Variants in IGF1R observed in about 807,000 individuals in gnomAD.
IGF1R encodes insulin like growth factor 1 receptor.
IGF1R carries 44 observed loss-of-function variants against 144.6 expected under a neutral mutation model. The observed-to-expected ratio is 0.30, with a 90% CI of 0.24 to 0.39. IGF1R has a LOEUF of 0.39. IGF1R is among the 10% of genes least tolerant of loss of function. The pLI is 1.00. For synonymous variants in IGF1R, 795 were observed against 722.8 expected, an observed-to-expected ratio of 1.10 and a Z score of -1.60; for missense variants, 1,355 against 1,833.7, an observed-to-expected ratio of 0.74 and a Z score of 4.77.
intron 2 of IGF1R, among the ~76,000 whole-genome samples, chr15:98,732,439 C>CTT (rs2054515804): frequency 6.6e-6 from 1 of 152,120 alleles, no homozygotes; most frequent in Admixed American, 6.5e-5. Flanking sequence ...CAGGCAGTGA[C>CTT]GGTGAAGCAG....
At chr15:98,688,414 C>CTGTGTGTGTGTGTA (rs2053389566) in intron 1 of IGF1R, among the ~76,000 whole-genome samples, 1 of 143,506 alleles carries the variant, frequency 7.0e-6, no homozygotes, top group African/African-American at 2.6e-5. Flanking sequence ...CAACACACAC[C>CTGTGTGTGTGTGTA]TGTGTGTGTG....
intron 2 of IGF1R, among the ~76,000 whole-genome samples, chr15:98,812,979 A>G (rs755854563): frequency 2.0e-5 from 3 of 152,188 alleles, no homozygotes; most frequent in Non-Finnish European, 2.9e-5. Flanking sequence ...CTTCTATCGA[A>G]AAACAGTGGT....
chr15:98,666,850 A>G (rs529601507), intron 1 of IGF1R, among the ~76,000 whole-genome samples: 1 of 152,246 alleles, frequency 6.6e-6, no homozygotes, highest in East Asian at 2.0e-4. Flanking sequence ...ATTGTGAATC[A>G]GTGTCAGTGA....
chr15:98,896,927 A>G, intron 4 of IGF1R, 22 bp downstream of exon 4: 2 of 1,612,452 alleles, frequency 1.2e-6, no homozygotes, highest in Admixed American at 1.7e-5. Flanking sequence ...ATCCCCCTGG[A>G]AAAACGGCTA....
At chr15:98,883,899 AG>A (rs960057040) in intron 2 of IGF1R, among the ~76,000 whole-genome samples, 1 of 152,174 alleles carries the variant, frequency 6.6e-6, no homozygotes, top group Non-Finnish European at 1.5e-5. Context: ...ACCAGACAGA[AG>A]GCAGCAAAAA....
At chr15:98,749,271 C>T (rs1297532301) in intron 2 of IGF1R, among the ~76,000 whole-genome samples, 2 of 151,604 alleles carry the variant, frequency 1.3e-5, no homozygotes, top group Non-Finnish European at 2.9e-5. Flanking sequence ...GTTAGACAGC[C>T]AAGGGGATAT....
chr15:98,748,144 A>G (rs539565045), intron 2 of IGF1R, among the ~76,000 whole-genome samples: 1 of 152,288 alleles, frequency 6.6e-6, no homozygotes, highest in Admixed American at 6.5e-5. Context: ...TTACTTCTGC[A>G]TGCACAACTT....
chr15:98,887,842 C>T (rs2013716340), intron 2 of IGF1R, among the ~76,000 whole-genome samples: 1 of 152,204 alleles, frequency 6.6e-6, no homozygotes, highest in African/African-American at 2.4e-5. Flanking sequence ...TCATCATGTC[C>T]CTTGCACTGC....
chr15:98,747,875 G>A (rs1034652729), intron 2 of IGF1R, among the ~76,000 whole-genome samples: 14 of 152,046 alleles, frequency 9.2e-5, no homozygotes, highest in Middle Eastern at 3.4e-3. Context: ...ACTTACTGAC[G>A]CTTAAAAATA....
chr15:98,914,866 T>C lies in IGF1R; in HGVS notation c.1829-1098T>C, dbSNP rs1431003620. On this transcript the variant is annotated intron_variant, in intron 8 of 20. Transcript: ENST00000650285. ...TGTATCTAGGAATGAGCTGTTTGTT[T>C]TTGAAGTACTTATTTTTGGAAACCC... Among the ~76,000 whole-genome samples the C allele has an allele frequency of 2.0e-5, 3 of 152,316 alleles. No homozygotes were observed. The East Asian group carries it at 5.8e-4, about 29-fold the overall frequency.
intron 2 of IGF1R, among the ~76,000 whole-genome samples, chr15:98,885,316 C>T (rs776152007): frequency 3.3e-5 from 5 of 152,326 alleles, no homozygotes; most frequent in Non-Finnish European, 7.4e-5. Flanking sequence ...AGAATGCCCA[C>T]GTCCTGGGTG....
intron 2 of IGF1R, among the ~76,000 whole-genome samples, chr15:98,798,442 G>C (rs1230203009): frequency 2.0e-5 from 3 of 152,168 alleles, no homozygotes; most frequent in Non-Finnish European, 4.4e-5. Context: ...GGCAGAGTTT[G>C]GAGCTGGTGT....
chr15:98,799,259 C>T lies in IGF1R; in HGVS notation c.640+91152C>T, dbSNP rs553769158. Among the ~76,000 whole-genome samples the T allele has an allele frequency of 1.2e-4, 18 of 152,140 alleles. No homozygotes were observed. In the East Asian group the frequency reaches 3.5e-3, roughly 29 times the overall value. On this transcript the variant is annotated intron_variant, in intron 2 of 20. Transcript: ENST00000650285. Reference sequence around the variant, plus strand: ...AAACATGATCATGGATATGTTTTCTCCACCCGTAAAGTACGTTCATATTCA... The same window carrying T: ...AAACATGATCATGGATATGTTTTCTTCACCCGTAAAGTACGTTCATATTCA...
At chr15:98,700,438 C>A (rs1036100629) in intron 1 of IGF1R, among the ~76,000 whole-genome samples, 1 of 152,130 alleles carries the variant, frequency 6.6e-6, no homozygotes, top group Non-Finnish European at 1.5e-5. Context: ...TTATTCAGTT[C>A]TTTCCTAGGG....
At chr15:98,721,509 G>C (rs983043072) in intron 2 of IGF1R, among the ~76,000 whole-genome samples, 13 of 152,310 alleles carry the variant, frequency 8.5e-5, no homozygotes, top group African/African-American at 3.1e-4. Flanking sequence ...TGGGGGAGGA[G>C]GAAGGGAAGG....
In IGF1R at chr15:98,935,706, A is replaced by G. The variant is rs1480518137; in HGVS notation, c.3297+280A>G. ...TCCCTCCACCCCCAGTCCCCTCCCC[A>G]CATCAGTGTCCACCTGCCAAGCCAG... is the stretch of plus-strand genomic sequence containing the variant. On this transcript the variant is annotated intron_variant, in intron 17 of 20. Transcript: ENST00000650285. The surrounding 1 kb of genome is among the most constrained non-coding windows in gnomAD (Gnocchi z 4.2). Among the ~76,000 whole-genome samples the G allele has an allele frequency of 7.2e-6, 1 of 138,776 alleles. No individual in the cohort carries two copies. The highest frequency in any genetic ancestry group is 7.2e-5 in the Admixed American group (1 of 13,806). The allele number at this position is 138,776 out of a possible 152,430, so 91.0% of individuals were successfully genotyped here. A position where few individuals can be genotyped will look rare whatever the true frequency, so the allele number is the denominator to read the frequency against.
At chr15:98,942,464 C>T (rs980706728) in intron 18 of IGF1R, among the ~76,000 whole-genome samples, 24 of 152,084 alleles carry the variant, frequency 1.6e-4, no homozygotes, top group Admixed American at 1.3e-3. Flanking sequence ...CTCCCAAGTA[C>T]CTAGGAACAC....
intron 2 of IGF1R, among the ~76,000 whole-genome samples, chr15:98,811,708 C>A (rs1296282288): frequency 6.6e-6 from 1 of 151,980 alleles, no homozygotes; most frequent in African/African-American, 2.4e-5. Context: ...GGGCGGATCA[C>A]GAGGTCAGGA....
intron 1 of IGF1R, among the ~76,000 whole-genome samples, chr15:98,657,464 T>C (rs190342107): frequency 2.7e-4 from 41 of 152,340 alleles, no homozygotes; most frequent in Non-Finnish European, 4.9e-4. Flanking sequence ...TCTCTTTACC[T>C]AATTTCCCTG....
Sources: gnomAD v4.1 joint callset for allele counts (sites outside exome capture counted in the v4.1 genomes callset) on GRCh38, gnomAD v4.1.1 for gene constraint, Gnocchi (gnomAD v3.1) non-coding constraint, MANE v1.5 for transcripts, NCBI Gene and HGNC (gene_info 2026-07-23, HGNC 2026-07-21) for gene names.